Variants in HS3ST4 observed in about 807,000 individuals in gnomAD.
The protein encoded by HS3ST4 is heparan sulfate glucosamine 3-O-sulfotransferase 4.
In HS3ST4, 17 loss-of-function variants were observed where a neutral mutation model predicts 29.2. The observed-to-expected ratio is 0.58, with a 90% CI of 0.40 to 0.87. The LOEUF is 0.87. HS3ST4 is among the 40% of genes least tolerant of loss of function. The pLI is 0.00. For missense variants in HS3ST4, 627 were observed against 634.5 expected, an observed-to-expected ratio of 0.99 and a Z score of 0.13; for synonymous variants, 314 against 285.7, an observed-to-expected ratio of 1.10 and a Z score of -1.00.
rs113921551 is a variant in HS3ST4 at position 25,887,670 on chromosome 16, C to T, written c.734+194519C>T. 4.4e-3 allele frequency among the ~76,000 whole-genome samples: 671 copies of T among 151,178 alleles called. 4 individuals are homozygous for T. The highest frequency in any genetic ancestry group is 0.016 in the African/African-American group (654 of 41,098). On this transcript the variant is annotated intron_variant, in intron 1 of 1. Transcript: ENST00000331351. ...ATCCATATGGCTATGGGTGGAGCAT[C>T]CCTAGCGCCCGCTACACCTGATTTT...
intron 1 of HS3ST4, among the ~76,000 whole-genome samples, chr16:26,133,097 T>G (rs1467279663): frequency 6.6e-6 from 1 of 152,186 alleles, no homozygotes; most frequent in African/African-American, 2.4e-5. Context: ...TTAGATACCA[T>G]GTTTTCCTGC....
chr16:26,030,766 A>G (rs1407200818), intron 1 of HS3ST4, among the ~76,000 whole-genome samples: 1 of 152,220 alleles, frequency 6.6e-6, no homozygotes. Flanking sequence ...CTTGGGTCCT[A>G]GAAACCCATG....
chr16:26,112,481 G>A (rs1003855432), intron 1 of HS3ST4, among the ~76,000 whole-genome samples: 4 of 149,762 alleles, frequency 2.7e-5, no homozygotes, highest in African/African-American at 9.9e-5. Context: ...CCAGAAGGAG[G>A]TCTTAAACAA....
At chr16:25,821,313 TC>T (rs1165818198) in intron 1 of HS3ST4, among the ~76,000 whole-genome samples, 1 of 152,134 alleles carries the variant, frequency 6.6e-6, no homozygotes, top group African/African-American at 2.4e-5. Context: ...TGCTTTGGCC[TC>T]CCGCACCTTT....
chr16:26,103,046 G>C (rs1216483077), intron 1 of HS3ST4, among the ~76,000 whole-genome samples: 1 of 152,114 alleles, frequency 6.6e-6, no homozygotes, highest in African/African-American at 2.4e-5. Flanking sequence ...TATCACTTTA[G>C]CTCATATTCC....
chr16:26,075,718 A>G (rs1421101395), intron 1 of HS3ST4, among the ~76,000 whole-genome samples: 2 of 152,202 alleles, frequency 1.3e-5, no homozygotes, highest in African/African-American at 4.8e-5. Flanking sequence ...TTTCTTAAAT[A>G]CATTGCCTGA....
intron 1 of HS3ST4, among the ~76,000 whole-genome samples, chr16:25,871,176 G>T (rs1967748427): frequency 6.6e-6 from 1 of 152,190 alleles, no homozygotes; most frequent in African/African-American, 2.4e-5. Flanking sequence ...GGTGATGGAG[G>T]TGGCAGGGAC....
chr16:25,714,240 C>T (rs1966436751), intron 1 of HS3ST4, among the ~76,000 whole-genome samples: 1 of 152,140 alleles, frequency 6.6e-6, no homozygotes, highest in Non-Finnish European at 1.5e-5. Flanking sequence ...AGACTCTCTC[C>T]ACGGCTCATC....
chr16:25,896,789 C>T (rs1185164610), intron 1 of HS3ST4, among the ~76,000 whole-genome samples: 1 of 152,186 alleles, frequency 6.6e-6, no homozygotes, highest in Non-Finnish European at 1.5e-5. Flanking sequence ...AAATGTGGTA[C>T]ATATACACCA....
chr16:25,880,883 T>G (rs918053538), intron 1 of HS3ST4, among the ~76,000 whole-genome samples: 1 of 152,208 alleles, frequency 6.6e-6, no homozygotes, highest in Non-Finnish European at 1.5e-5. Context: ...TTATAGACTT[T>G]GGGGTAGTTC....
rs1460050561 is a variant in HS3ST4, at chr16:25,828,273, TTTCTTTCTTTCTTTCTTTCTTTCTTTCC to T, written c.734+135123_734+135150del. 7.6e-4 allele frequency among the ~76,000 whole-genome samples: 70 copies of T among 91,770 alleles called. 2 individuals carry two copies. The highest frequency in any genetic ancestry group is 2.3e-3 in the South Asian group (5 of 2,214). 60.2% of individuals were successfully genotyped at this position (91,770 alleles called of 152,430 possible). A position where few individuals can be genotyped will look rare whatever the true frequency, so the allele number is the denominator to read the frequency against. ...CTTTCTTTCTTTCTTTCTTTCTTTC[TTTCTTTCTTTCTTTCTTTCTTTCTTTCC>T]CTCTCTCTCTCTCTCTCTCTCTCTC... On this transcript the variant is annotated intron_variant, in intron 1 of 1. Transcript: ENST00000331351.
intron 1 of HS3ST4, among the ~76,000 whole-genome samples, chr16:26,054,394 C>T (rs1038654039): frequency 2.6e-5 from 4 of 152,002 alleles, no homozygotes; most frequent in Non-Finnish European, 4.4e-5. Flanking sequence ...CTCCTCCATT[C>T]GAATTAACTT....
At chr16:25,778,488 C>G (rs1966849709) in intron 1 of HS3ST4, among the ~76,000 whole-genome samples, 1 of 152,220 alleles carries the variant, frequency 6.6e-6, no homozygotes, top group Non-Finnish European at 1.5e-5. Context: ...ACTGTCATGG[C>G]TAATTTGATG....
chr16:25,803,804 AG>A (rs1282235033), intron 1 of HS3ST4, among the ~76,000 whole-genome samples: 1 of 152,194 alleles, frequency 6.6e-6, no homozygotes, highest in African/African-American at 2.4e-5. Context: ...GGACCAGTTC[AG>A]TCTCTGCTTC....
intron 1 of HS3ST4, chr16:25,933,274 C>T: frequency 2.2e-6 from 1 of 453,402 alleles, no homozygotes; most frequent in Non-Finnish European, 4.4e-6. Context: ...TATTGATTGG[C>T]TGCCGAGAGG....
At chr16:25,854,749 G>A (rs1967558109) in intron 1 of HS3ST4, among the ~76,000 whole-genome samples, 1 of 150,800 alleles carries the variant, frequency 6.6e-6, no homozygotes, top group African/African-American at 2.5e-5. Flanking sequence ...TTTTACTGGA[G>A]CCCTTGGTGT....
chr16:26,041,085 C>T (rs1054939443), intron 1 of HS3ST4, among the ~76,000 whole-genome samples: 1 of 152,148 alleles, frequency 6.6e-6, no homozygotes, highest in Non-Finnish European at 1.5e-5. Flanking sequence ...TGCTTATAAT[C>T]CCACTATTTG....
intron 1 of HS3ST4, among the ~76,000 whole-genome samples, chr16:26,074,293 AT>A (rs978006447): frequency 1.3e-5 from 2 of 151,590 alleles, no homozygotes; most frequent in African/African-American, 2.4e-5. Flanking sequence ...TTCACAAACA[AT>A]TTTTTTTTCT....
At chr16:25,857,916 C>CTTTCT (rs1567257069) in intron 1 of HS3ST4, among the ~76,000 whole-genome samples, 6 of 60,628 alleles carry the variant, frequency 9.9e-5, no homozygotes, top group African/African-American at 4.2e-4. Context: ...TCCTTCCTTC[C>CTTTCT]TTCCTTTCTT....
Sources: gnomAD v4.1 joint callset for allele counts (sites outside exome capture counted in the v4.1 genomes callset) on GRCh38, gnomAD v4.1.1 for gene constraint, MANE v1.5 for transcripts, NCBI Gene and HGNC (gene_info 2026-07-23, HGNC 2026-07-21) for gene names.